Variants in MCF2L observed in about 807,000 individuals in gnomAD.
MCF2L encodes the protein guanine nucleotide exchange factor DBS.
MCF2L carries 97 observed loss-of-function variants against 153.4 expected under a neutral mutation model. The ratio of observed to expected loss-of-function variants is 0.63; its 90% CI spans 0.54 to 0.75. The LOEUF is 0.75. Among genes scored for constraint, MCF2L ranks in the 30% least tolerant of loss-of-function variants. The pLI, the probability that MCF2L is intolerant of heterozygous loss-of-function variation, is 0.00. For synonymous variants in MCF2L, 659 were observed against 632.2 expected (o/e 1.04, Z -0.64); for missense variants, 1,347 against 1,495.2 (o/e 0.90, Z 1.64).
intron 2 of MCF2L, among the ~76,000 whole-genome samples, chr13:112,922,603 C>T (rs1440927916): frequency 1.3e-5 from 2 of 151,962 alleles, no homozygotes; most frequent in African/African-American, 2.4e-5. Context: ...GAGACCGAGG[C>T]GGGCAGATTG....
intron 21 of MCF2L, 44 bp from the exon 22 acceptor site, chr13:113,087,191 A>G: frequency 6.5e-7 from 1 of 1,528,876 alleles, no homozygotes; most frequent in Non-Finnish European, 9.0e-7. Context: ...CCATGGCCCC[A>G]GGCCCATCCC....
chr13:112,994,530 A>AT (rs2083038127), intron 1 of MCF2L, among the ~76,000 whole-genome samples: 1 of 151,984 alleles, frequency 6.6e-6, no homozygotes, highest in East Asian at 1.9e-4. Flanking sequence ...GGGTGAAAAT[A>AT]TTTTCAGACA....
chr13:113,084,773 G>T, intron 18 of MCF2L, 119 bp from the exon 19 acceptor site: 1 of 779,404 alleles, frequency 1.3e-6, no homozygotes, highest in South Asian at 1.6e-5. Flanking sequence ...TCGCAGGGCC[G>T]GGAAGACGCT....
At chr13:113,069,962 T>G in intron 8 of MCF2L, 97 bp from the exon 9 acceptor site, 4 of 741,584 alleles carry the variant, frequency 5.4e-6, no homozygotes, top group African/African-American at 1.9e-5. Context: ...AGGCCCGGGG[T>G]GGAGATGAGC....
In MCF2L at chr13:113,027,664, C is replaced by G. The variant is rs750483116; in HGVS notation, c.278+2906C>G. ...CTCCCTGAGGGGCTGATGGGACCGG[C>G]TTGGTGGGGCAAGGCTGCGATGCTG... On this transcript the variant is annotated intron_variant, in intron 3 of 29. Transcript: ENST00000535094. The surrounding 1 kb of genome is among the most constrained non-coding windows in gnomAD (Gnocchi z 4.8). Among the ~76,000 whole-genome samples the G allele has an allele frequency of 1.3e-5, 2 of 152,170 alleles. No homozygotes were observed. The highest frequency in any genetic ancestry group is 2.9e-5 in the Non-Finnish European group (2 of 68,030).
At chr13:113,047,838 T>C (rs9577437) in intron 4 of MCF2L, among the ~76,000 whole-genome samples, 78,439 of 147,588 alleles carry the variant, frequency 0.53, 20,320 homozygotes, top group African/African-American at 0.59. Context: ...ACGCGTGCCC[T>C]GTCCCCTCTG....
At chr13:113,080,778 G>C (rs1263913842) in intron 15 of MCF2L, among the ~76,000 whole-genome samples, 1 of 152,238 alleles carries the variant, frequency 6.6e-6, no homozygotes, top group African/African-American at 2.4e-5. Context: ...CACGAGGAAG[G>C]CTCAGGGAGG....
At chr13:113,024,593 C>T in intron 2 of MCF2L, 51 bp from the exon 3 acceptor site, 1 of 1,237,534 alleles carries the variant, frequency 8.1e-7, no homozygotes, top group South Asian at 1.2e-5. Flanking sequence ...CTGTGGAACC[C>T]CCGGGGGCAT....
chr13:113,020,706 C>G, intron 2 of MCF2L, among the ~76,000 whole-genome samples: 1 of 152,224 alleles, frequency 6.6e-6, no homozygotes, highest in East Asian at 1.9e-4. Context: ...GCACTGTCCC[C>G]GTGGGGGTCA....
rs551787680 is a variant in MCF2L, at chr13:113,074,633, G to T, written c.1116+70G>T. 1.7e-4 allele frequency: 265 copies of T among 1,585,108 alleles called. 1 individual carries two copies. The African/African-American group carries it at 3.0e-3, about 18-fold the overall frequency. On this transcript the variant is annotated intron_variant, in intron 10 of 29. Coordinates refer to ENST00000535094, the MANE Select transcript of MCF2L (RefSeq NM_001112732.3). This position sits in a 1 kb window ranked among gnomAD's most constrained non-coding sequence, Gnocchi z 4.2. ...ATCATCAAGTGCTGCTCAGGAAGGC[G>T]CAGGAATGGGCCTCCCGCCTACGGA... is the stretch of plus-strand genomic sequence containing the variant.
chr13:112,968,594 C>T, upstream of MCF2L: 1 of 1,536,572 alleles, frequency 6.5e-7, no homozygotes. Flanking sequence ...CACGCATGGA[C>T]CCAGCGACCC....
intron 2 of MCF2L, among the ~76,000 whole-genome samples, chr13:112,942,139 A>G (rs912957953): frequency 1.3e-5 from 2 of 152,202 alleles, no homozygotes; most frequent in African/African-American, 4.8e-5. Context: ...GCCCACCCGC[A>G]GTTATCTGGA....
At chr13:112,958,764 G>T (rs976983853) in intron 2 of MCF2L, among the ~76,000 whole-genome samples, 1 of 152,206 alleles carries the variant, frequency 6.6e-6, no homozygotes, top group African/African-American at 2.4e-5. Flanking sequence ...AGCCCTGCTC[G>T]TGTGTGGGAT....
intron 1 of MCF2L, among the ~76,000 whole-genome samples, chr13:112,894,621 C>T (rs1439240148): frequency 6.6e-6 from 1 of 152,056 alleles, no homozygotes; most frequent in African/African-American, 2.4e-5. Flanking sequence ...CCCCCGCGGC[C>T]CCTGCCCAGC....
At chr13:112,979,308 GC>G in intron 1 of MCF2L, 1 of 1,173,024 alleles carries the variant, frequency 8.5e-7, no homozygotes, top group Non-Finnish European at 1.1e-6. Context: ...GGAAGGAAAG[GC>G]CCAGAACTTG....
chr13:112,988,851 AAGT>A (rs2082767928), intron 1 of MCF2L, among the ~76,000 whole-genome samples: 5 of 20,298 alleles, frequency 2.5e-4, no homozygotes, highest in Admixed American at 4.8e-4. Flanking sequence ...TACCACGCCC[AAGT>A]CCTCCCTGAG....
At chr13:113,017,686 T>C (rs549545468) in intron 2 of MCF2L, among the ~76,000 whole-genome samples, 1 of 152,132 alleles carries the variant, frequency 6.6e-6, no homozygotes, top group South Asian at 2.1e-4. Context: ...GCTCTCCCTG[T>C]CTCGCTCCAC....
At chr13:113,014,679 C>G (rs1181435061) in intron 1 of MCF2L, 84 bp from the exon 2 acceptor site, 2 of 1,176,944 alleles carry the variant, frequency 1.7e-6, no homozygotes, top group African/African-American at 1.5e-5. Context: ...GTGGATGTGC[C>G]AGCTCCGTGT....
chr13:113,062,296 C>T (rs1031424695), intron 5 of MCF2L, among the ~76,000 whole-genome samples: 4 of 151,778 alleles, frequency 2.6e-5, no homozygotes, highest in Non-Finnish European at 5.9e-5. Context: ...CAGCTCCTCT[C>T]GTGATGGCGT....
Sources: gnomAD v4.1 joint callset for allele counts (sites outside exome capture counted in the v4.1 genomes callset) on GRCh38, gnomAD v4.1.1 for gene constraint, Gnocchi (gnomAD v3.1) non-coding constraint, MANE v1.5 for transcripts, NCBI Gene and HGNC (gene_info 2026-07-23, HGNC 2026-07-21) for gene names.